The following FBN1 variants were observed in gnomAD, a reference collection of about 807,000 sequenced individuals.
FBN1 encodes the protein fibrillin 1.
A neutral mutation model predicts 365.1 loss-of-function variants in FBN1; 29 were observed. The ratio of observed to expected loss-of-function variants is 0.08; its 90% CI spans 0.06 to 0.11. The LOEUF (loss-of-function observed/expected upper bound fraction) is 0.11, where lower values mean the gene tolerates loss of function less well. Ranked by LOEUF, FBN1 falls within the 10% of genes least tolerant of loss-of-function variation. The pLI is 1.00. For synonymous variants in FBN1, 1,210 were observed against 1,270.5 expected (o/e 0.95, Z 1.01); for missense variants, 2,476 against 3,703.2 (o/e 0.67, Z 8.60).
At chr15:48,538,181 G>A (rs1011811200) in intron 6 of FBN1, among the ~76,000 whole-genome samples, 1 of 152,174 alleles carries the variant, frequency 6.6e-6, no homozygotes, top group Non-Finnish European at 1.5e-5. Flanking sequence ...TCCTATGCCT[G>A]ATACAGATGC....
chr15:48,533,950 A>G (rs2043992531), intron 8 of FBN1, 130 bp downstream of exon 8: 1 of 1,302,142 alleles, frequency 7.7e-7, no homozygotes, highest in South Asian at 1.2e-5. Flanking sequence ...TAAAAATATT[A>G]TATTTACACA....
chr15:48,608,393 C>T (rs2044630259), intron 4 of FBN1, among the ~76,000 whole-genome samples: 1 of 152,150 alleles, frequency 6.6e-6, no homozygotes, highest in Non-Finnish European at 1.5e-5. Context: ...GTAGAATTGT[C>T]CTTCTATTAG....
chr15:48,599,666 T>A (rs1179123474), intron 5 of FBN1, among the ~76,000 whole-genome samples: 8 of 152,174 alleles, frequency 5.3e-5, no homozygotes, highest in African/African-American at 1.9e-4. Context: ...TGATAAGTAC[T>A]TCGGTAGCAG....
At chr15:48,441,668 C>G in intron 50 of FBN1, 53 bp downstream of exon 50, 2 of 1,610,292 alleles carry the variant, frequency 1.2e-6, no homozygotes, top group Admixed American at 1.7e-5. Context: ...AAAATAAGAC[C>G]ACCACAAATA....
intron 45 of FBN1, among the ~76,000 whole-genome samples, chr15:48,449,928 T>C (rs1171056776): frequency 6.6e-6 from 1 of 152,198 alleles, no homozygotes; most frequent in Non-Finnish European, 1.5e-5. Flanking sequence ...ATCTCCTCCA[T>C]TTCATGTGTC....
At chr15:48,542,808 TGTGTGTGTG>T (rs2044067721) in intron 6 of FBN1, among the ~76,000 whole-genome samples, 1 of 151,296 alleles carries the variant, frequency 6.6e-6, no homozygotes, top group African/African-American at 2.4e-5. Flanking sequence ...TGTGTGTGTG[TGTGTGTGTG>T]TGTGTGTGTG....
chr15:48,474,104 ATT>A, intron 34 of FBN1, 149 bp downstream of exon 34: 3 of 1,034,964 alleles, frequency 2.9e-6, no homozygotes, highest in East Asian at 2.8e-5. Context: ...CCTGGTTCCA[ATT>A]TTTTTTTTCC....
intron 28 of FBN1, 37 bp from the exon 29 acceptor site, chr15:48,487,237 A>C: frequency 6.2e-7 from 1 of 1,614,102 alleles, no homozygotes; most frequent in East Asian, 2.2e-5. Context: ...ACCCAAACAT[A>C]AGCTTCCAAC....
At chr15:48,634,336 GTCTT>G (rs960318864) in intron 2 of FBN1, among the ~76,000 whole-genome samples, 1 of 152,204 alleles carries the variant, frequency 6.6e-6, no homozygotes, top group African/African-American at 2.4e-5. Flanking sequence ...GCATCCAAGT[GTCTT>G]TCTTTTATGT....
intron 17 of FBN1, among the ~76,000 whole-genome samples, chr15:48,502,241 T>G (rs12914007): frequency 0.11 from 16,852 of 152,176 alleles, 1,083 homozygotes; most frequent in Non-Finnish European, 0.14. Context: ...AGATGAGATT[T>G]CACCATGTCA....
chr15:48,560,421 G>A (rs1439294102), intron 6 of FBN1, among the ~76,000 whole-genome samples: 4 of 152,114 alleles, frequency 2.6e-5, no homozygotes, highest in Non-Finnish European at 5.9e-5. Flanking sequence ...GTGATAATAC[G>A]TAACAAATGC....
intron 4 of FBN1, among the ~76,000 whole-genome samples, chr15:48,609,795 C>T (rs542635826): frequency 2.0e-5 from 3 of 152,312 alleles, no homozygotes; most frequent in Admixed American, 2.0e-4. Flanking sequence ...CAAGAGGGCA[C>T]CAGGAGTGCT....
rs111326145 is a variant in FBN1, at chr15:48,626,099, A to T, written c.165-13007T>A. On this transcript the variant is annotated intron_variant, in intron 2 of 65. Transcript: ENST00000316623. ...AGCGAGAATCTATATCTTCAAAAAAATTTTTAAATTAGCCAAGATGGTGGC... is the reference window on the plus strand; with the variant it reads ...AGCGAGAATCTATATCTTCAAAAAATTTTTTAAATTAGCCAAGATGGTGGC... 8.5e-5 allele frequency among the ~76,000 whole-genome samples: 13 copies of T among 152,212 alleles called. 1 individual carries two copies. Among genetic ancestry groups the T allele is most frequent in the African/African-American group, 2.6e-4 (11 of 41,544 alleles).
chr15:48,583,644 A>G (rs553305433), intron 6 of FBN1, among the ~76,000 whole-genome samples: 34 of 152,236 alleles, frequency 2.2e-4, no homozygotes, highest in African/African-American at 8.2e-4. Flanking sequence ...AGACAAGTTC[A>G]TTTTCCCTTC....
intron 4 of FBN1, among the ~76,000 whole-genome samples, chr15:48,601,387 C>G (rs977386214): frequency 4.6e-5 from 7 of 152,206 alleles, no homozygotes; most frequent in African/African-American, 1.7e-4. Flanking sequence ...TTGTTGATAC[C>G]TGCCTACACA....
intron 63 of FBN1, among the ~76,000 whole-genome samples, chr15:48,417,105 G>A (rs1242651654): frequency 1.3e-5 from 2 of 152,174 alleles, no homozygotes; most frequent in Non-Finnish European, 2.9e-5. Flanking sequence ...CCATCCATGC[G>A]CTTTCCTTTA....
At chr15:48,640,853 T>C (rs1890185199) in intron 2 of FBN1, 1 of 152,040 alleles carries the variant, frequency 6.6e-6, no homozygotes, top group Non-Finnish European at 1.5e-5. Flanking sequence ...AAGGCAATCA[T>C]AAATAAATGG....
intron 58 of FBN1, 43 bp downstream of exon 58, chr15:48,427,524 A>T (rs1394031963): frequency 6.3e-7 from 1 of 1,583,814 alleles, no homozygotes; most frequent in Non-Finnish European, 8.7e-7. Flanking sequence ...AAAAACAAAT[A>T]AATAGATTCC....
intron 13 of FBN1, 139 bp from the exon 14 acceptor site, chr15:48,510,308 G>T: frequency 1.2e-6 from 1 of 803,206 alleles, no homozygotes; most frequent in Non-Finnish European, 2.0e-6. Context: ...AACATAAATT[G>T]GTTATCAAAT....
Sources: allele counts gnomAD v4.1 joint callset (sites outside exome capture counted in the v4.1 genomes callset), GRCh38; gene constraint gnomAD v4.1.1; transcripts MANE v1.5; gene names NCBI Gene and HGNC (gene_info 2026-07-23, HGNC 2026-07-21).